Variants in SPTBN4 observed in about 807,000 individuals in gnomAD.
The protein encoded by SPTBN4 is spectrin beta chain, non-erythrocytic 4.
Under a neutral mutation model 277.8 loss-of-function variants are expected in SPTBN4, and 96 were observed. That is an observed-to-expected ratio of 0.35 (90% CI 0.29 to 0.41). The LOEUF (loss-of-function observed/expected upper bound fraction) is 0.41. Among genes scored for constraint, SPTBN4 ranks in the 10% least tolerant of loss-of-function variants. The probability of loss-of-function intolerance (pLI) is 1.00; values close to 1 mark genes in which losing one functional copy is unlikely to be tolerated. For missense variants in SPTBN4, 3,006 were observed against 3,595.7 expected (o/e 0.84, Z 4.19); for synonymous variants, 1,481 against 1,580.3 (o/e 0.94, Z 1.49).
intron 5 of SPTBN4, among the ~76,000 whole-genome samples, chr19:40,494,059 T>C (rs981814671): frequency 2.0e-5 from 3 of 152,038 alleles, no homozygotes; most frequent in Non-Finnish European, 4.4e-5. Flanking sequence ...ACTGGGAAGG[T>C]TCCCTTTGGC....
chr19:40,497,082 A>AAAG, intron 6 of SPTBN4, among the ~76,000 whole-genome samples: 2 of 151,592 alleles, frequency 1.3e-5, no homozygotes, highest in East Asian at 3.9e-4. Flanking sequence ...CAAAAAAAAA[A>AAAG]AAAAAAAAAA....
In SPTBN4 at chr19:40,487,855, G is replaced by T. The variant is rs756137661; in HGVS notation, c.321+7G>T. 1.3e-6 allele frequency: 2 copies of T among 1,592,894 alleles called. No individual in the cohort carries two copies. The highest frequency in any genetic ancestry group is 1.7e-6 in the Non-Finnish European group (2 of 1,170,752). On this transcript the variant is annotated splice_region_variant and intron_variant, in intron 3 of 35. Transcript: ENST00000598249. ...GCTGTCTGGGGAGCAGCTGGTGAGG[G>T]GGCCTGAAGGGCTGGGGCAGGGGTC...
At chr19:40,528,054 T>C in intron 17 of SPTBN4, among the ~76,000 whole-genome samples, 1 of 65,030 alleles carries the variant, frequency 1.5e-5, no homozygotes, top group Non-Finnish European at 2.9e-5. Flanking sequence ...AGACTCCATC[T>C]CAAAAAAAAA....
chr19:40,558,087 C>T (rs946602383), intron 26 of SPTBN4, among the ~76,000 whole-genome samples: 3 of 151,918 alleles, frequency 2.0e-5, no homozygotes, highest in African/African-American at 7.3e-5. Context: ...AGGCCAGGTG[C>T]GGTGGCTCAC....
chr19:40,516,068 A>ATG (rs1292798738), intron 15 of SPTBN4, among the ~76,000 whole-genome samples: 2 of 131,154 alleles, frequency 1.5e-5, no homozygotes, highest in African/African-American at 3.4e-5. Context: ...CACTATATAT[A>ATG]TGTATATATA....
Position 40,502,002 on chromosome 19 carries a change from C to G in SPTBN4, c.866C>G (p.Ala289Gly). Residue 289 changes from alanine to glycine, a missense_variant, in exon 8 of 36, where the codon GCT (alanine) becomes GGT (glycine). Ala to Gly is a moderately conservative substitution (Grantham distance 60). Around this residue, in one of 5 missense-constraint regions of SPTBN4, gnomAD observed 1,759 missense variants for 2,061.5 expected, o/e 0.85. Transcript: ENST00000598249. The surrounding 1 kb of genome is among the most constrained non-coding windows in gnomAD (Gnocchi z 4.9). ...SFYHYFSKMK[A>G]LAVEGKRIGK... ...TACCACTATTTCTCCAAGATGAAGGCTCTGGCTGTGGAGGGGAAGCGTATC... is the reference window on the plus strand; with the variant it reads ...TACCACTATTTCTCCAAGATGAAGGGTCTGGCTGTGGAGGGGAAGCGTATC... 1 of 1,614,216 alleles carries G rather than the reference C, an allele frequency of 6.2e-7. No homozygotes were observed. The highest frequency in any genetic ancestry group is 8.5e-7 in the Non-Finnish European group (1 of 1,180,044).
At position 40,470,653 on chromosome 19, in the gene SPTBN4, G is replaced by C. The variant is rs73048159; in HGVS notation, c.-15-1954G>C. Among the ~76,000 whole-genome samples, 749 of 150,518 alleles carry C rather than the reference G, an allele frequency of 5.0e-3. 7 individuals carry two copies. Among genetic ancestry groups the C allele is most frequent in the Non-Finnish European group, 8.4e-3 (570 of 67,762 alleles). ...CTTCTTCTTCTTCTTTTTTTCTTGAGAATGAGTCTTACTCTGTCGCCCAGG... is the reference window on the plus strand; with the variant it reads ...CTTCTTCTTCTTCTTTTTTTCTTGACAATGAGTCTTACTCTGTCGCCCAGG... On this transcript the variant is annotated intron_variant, in intron 1 of 35. Coordinates refer to ENST00000598249, the MANE Select transcript of SPTBN4 (RefSeq NM_020971.3).
At position 40,515,157 on chromosome 19, in the gene SPTBN4, T is replaced by A. The variant is rs1046287316; in HGVS notation, c.2766-154T>A. Among the ~76,000 whole-genome samples, 124 of 147,020 alleles carry A rather than the reference T, an allele frequency of 8.4e-4. No homozygotes were observed. The highest frequency in any genetic ancestry group is 1.3e-3 in the Non-Finnish European group (88 of 67,656). On this transcript the variant is annotated intron_variant, in intron 14 of 35. Transcript: ENST00000598249. The surrounding 1 kb of genome is among the most constrained non-coding windows in gnomAD (Gnocchi z 4.1). ...TTAAATTAAATAAGTTAAATTAAAT[T>A]AAATAAAATAAGCAGCAAGTAGAAG...
chr19:40,507,826 G>A (rs2080347276), intron 13 of SPTBN4, among the ~76,000 whole-genome samples: 2 of 152,150 alleles, frequency 1.3e-5, no homozygotes, highest in Non-Finnish European at 2.9e-5. Flanking sequence ...GACAGAGCGA[G>A]ACTCCTTCTC....
chr19:40,554,017 C>A lies in SPTBN4; in HGVS notation c.4675-130C>A. ...CAGCAAAATGTTTACATGGTCTTGG[C>A]ACGTGGTTAGCGAGCTGGGGGTGCT... On this transcript the variant is annotated intron_variant, in intron 22 of 35. Coordinates refer to ENST00000598249, the MANE Select transcript of SPTBN4 (RefSeq NM_020971.3). This position sits in a 1 kb window ranked among gnomAD's most constrained non-coding sequence, Gnocchi z 5.7. 2 of 933,982 alleles carry A rather than the reference C, an allele frequency of 2.1e-6. No homozygotes were observed. Among genetic ancestry groups the A allele is most frequent in the Non-Finnish European group, 3.0e-6 (2 of 672,550 alleles). 57.9% of individuals were successfully genotyped at this position (933,982 alleles called of 1,614,324 possible). A position where few individuals can be genotyped will look rare whatever the true frequency, so the allele number is the denominator to read the frequency against.
In SPTBN4 at chr19:40,513,009, C is replaced by G; in HGVS notation, c.2220C>G (p.His740Gln). Reference protein sequence around the residue: ...GAVGPGADTVHLVGLAERAAS... With the variant: ...GAVGPGADTVQLVGLAERAAS... ...TCGGCCCGGGAGCAGACACCGTGCA[C>G]CTGGTAGGCCTGGCGGAGCGCGCGG... The change falls in exon 14 of 36, where the codon CAC (histidine) becomes CAG (glutamine). Residue 740 changes from histidine (H) to glutamine (Q), a missense_variant. Around this residue, in one of 5 missense-constraint regions of SPTBN4, gnomAD observed 1,759 missense variants for 2,061.5 expected, o/e 0.85. Coordinates refer to ENST00000598249, the MANE Select transcript of SPTBN4 (RefSeq NM_020971.3). The G allele has an allele frequency of 7.0e-7, 1 of 1,431,232 alleles. No individual in the cohort carries two copies. The allele number at this position is 1,431,232 out of a possible 1,614,324, so 88.7% of individuals were successfully genotyped here.
At chr19:40,524,425 T>C (rs1223489613) in intron 17 of SPTBN4, 2 of 297,854 alleles carry the variant, frequency 6.7e-6, no homozygotes, top group Non-Finnish European at 1.4e-5. Flanking sequence ...GAGGACTGTT[T>C]GAGTCCGGGA....
rs1555817439 is a variant in SPTBN4 at position 40,520,497 on chromosome 19, GAGGT to G, written c.3654+347_3654+350del. ...ATTATCTGAAAGGAAATAAGACTAT[GAGGT>G]TGATTGGCGATGGTTAAATGGGGTT... On this transcript the variant is annotated intron_variant, in intron 16 of 35. Coordinates refer to ENST00000598249, the MANE Select transcript of SPTBN4 (RefSeq NM_020971.3). Among the ~76,000 whole-genome samples, 9 of 152,212 alleles carry G rather than the reference GAGGT, an allele frequency of 5.9e-5. 1 individual carries two copies. Among genetic ancestry groups the G allele is most frequent in the Non-Finnish European group, 1.3e-4 (9 of 68,042 alleles).
chr19:40,507,572 C>T (rs978378241), intron 13 of SPTBN4, among the ~76,000 whole-genome samples: 3 of 152,058 alleles, frequency 2.0e-5, no homozygotes, highest in African/African-American at 7.2e-5. Flanking sequence ...AGGCCAGGCA[C>T]GGTGGCTCAT....
At position 40,532,636 on chromosome 19, in the gene SPTBN4, G is replaced by T; in HGVS notation, c.3960G>T (p.Trp1320Cys). 6.2e-7 allele frequency: 1 copy of T among 1,613,246 alleles called. No homozygotes were observed. The highest frequency in any genetic ancestry group is 8.5e-7 in the Non-Finnish European group (1 of 1,179,548). ...FLRDCHELDG[W>C]IHEKMLMARD... is the part of the protein sequence containing the mutation. Reference sequence around the variant, plus strand: ...CCTGTTCTGCACAGCTGGATGGCTGGATCCATGAGAAGATGCTGATGGCGC... The same window carrying T: ...CCTGTTCTGCACAGCTGGATGGCTGTATCCATGAGAAGATGCTGATGGCGC... Residue 1320 changes from tryptophan (W) to cysteine (C), a missense_variant, in exon 19 of 36, where the codon TGG becomes TGT. Around this residue, in one of 5 missense-constraint regions of SPTBN4, gnomAD observed 1,759 missense variants for 2,061.5 expected, o/e 0.85. Transcript: ENST00000598249.
chr19:40,515,579 C>T lies in SPTBN4; in HGVS notation c.2903+131C>T. 1.8e-6 allele frequency: 2 copies of T among 1,120,964 alleles called. No homozygotes were observed. Among genetic ancestry groups the T allele is most frequent in the Non-Finnish European group, 2.4e-6 (2 of 832,488 alleles). The allele number at this position is 1,120,964 out of a possible 1,614,324, so 69.4% of individuals were successfully genotyped here. A position where few individuals can be genotyped will look rare whatever the true frequency, so the allele number is the denominator to read the frequency against. ...ACCCGATAAATCAACAAAATGTTGA[C>T]CAAAAATCATAATCCCTGATACTGG... On this transcript the variant is annotated intron_variant, in intron 15 of 35. Coordinates refer to ENST00000598249, the MANE Select transcript of SPTBN4 (RefSeq NM_020971.3). This position sits in a 1 kb window ranked among gnomAD's most constrained non-coding sequence, Gnocchi z 4.1.
chr19:40,568,402 C>T, intron 31 of SPTBN4, 120 bp downstream of exon 31: 2 of 1,351,826 alleles, frequency 1.5e-6, no homozygotes, highest in Non-Finnish European at 2.0e-6. Flanking sequence ...GGAGATATCG[C>T]CGCGGTACCC....
rs777037117 is a variant in SPTBN4 at position 40,503,880 on chromosome 19, C to T, written c.1413C>T (p.His471=). The stretch of plus-strand genomic sequence containing the variant: ...CAGTGGAGGCAGCCATGAAGAAACA[C>T]GAAGCGATCGAGGCAGACATTGCGG... ...LPAVEAAMKK[H]EAIEADIAAY... is the part of the protein sequence containing the mutation. The change falls in exon 12 of 36, where the codon CAC becomes CAT. Residue 471 remains histidine (H), a synonymous_variant. Transcript: ENST00000598249. 63 of 1,608,088 alleles carry T rather than the reference C, an allele frequency of 3.9e-5. No homozygotes were observed. The highest frequency in any genetic ancestry group is 4.7e-5 in the Non-Finnish European group (55 of 1,175,604).
At chr19:40,496,016 C>T (rs756417701) in intron 6 of SPTBN4, among the ~76,000 whole-genome samples, 1 of 152,208 alleles carries the variant, frequency 6.6e-6, no homozygotes, top group Admixed American at 6.5e-5. Context: ...GCACCAGGGT[C>T]ATCCTCACAC....
Sources: gnomAD v4.1 joint callset for allele counts (sites outside exome capture counted in the v4.1 genomes callset) on GRCh38, gnomAD v4.1.1 for gene constraint, gnomAD v4.1.1 regional missense constraint, Gnocchi (gnomAD v3.1) non-coding constraint, MANE v1.5 for transcripts, NCBI Gene and HGNC (gene_info 2026-07-23, HGNC 2026-07-21) for gene names.